The following AFF3 variants were observed in gnomAD, a reference collection of about 807,000 sequenced individuals.
AFF3 encodes AF4/FMR2 family member 3.
Under a neutral mutation model 129.7 loss-of-function variants are expected in AFF3, and 32 were observed. The ratio of observed to expected loss-of-function variants is 0.25; its 90% CI spans 0.19 to 0.33. AFF3 has a LOEUF of 0.33. Ranked by LOEUF, AFF3 falls within the 10% of genes least tolerant of loss-of-function variation. The pLI is 1.00. For synonymous variants in AFF3, 644 were observed against 635.4 expected, an observed-to-expected ratio of 1.01 and a Z score of -0.20; for missense variants, 1,373 against 1,592.0, an observed-to-expected ratio of 0.86 and a Z score of 2.34.
chr2:99,558,330 C>T (rs144243020), intron 22 of AFF3, among the ~76,000 whole-genome samples: 2 of 152,062 alleles, frequency 1.3e-5, no homozygotes, highest in African/African-American at 4.8e-5. Context: ...CATAAAAATA[C>T]CTGGACAAGG....
chr2:99,988,734 C>T (rs1680088454), intron 7 of AFF3, among the ~76,000 whole-genome samples: 1 of 152,116 alleles, frequency 6.6e-6, no homozygotes, highest in African/African-American at 2.4e-5. Context: ...TCCTGACATC[C>T]CTCGGCACTG....
chr2:99,976,902 C>T (rs1011066439), intron 7 of AFF3, among the ~76,000 whole-genome samples: 16 of 151,454 alleles, frequency 1.1e-4, no homozygotes, highest in African/African-American at 3.2e-4. Flanking sequence ...AATTATTCCA[C>T]CTGGGGAGAA....
At chr2:99,584,873 G>C (rs557931537) in intron 16 of AFF3, among the ~76,000 whole-genome samples, 1 of 152,172 alleles carries the variant, frequency 6.6e-6, no homozygotes, top group Non-Finnish European at 1.5e-5. Flanking sequence ...AAGTCACTTC[G>C]AAAAGCAATT....
intron 7 of AFF3, among the ~76,000 whole-genome samples, chr2:99,907,821 T>C (rs1214271538): frequency 6.6e-6 from 1 of 152,142 alleles, no homozygotes; most frequent in African/African-American, 2.4e-5. Context: ...ATAAAACAAA[T>C]ACTATGTTTA....
At chr2:100,130,658 ATGG>A (rs1692393558) in intron 1 of AFF3, among the ~76,000 whole-genome samples, 1 of 152,196 alleles carries the variant, frequency 6.6e-6, no homozygotes, top group Non-Finnish European at 1.5e-5. Context: ...GCTTCGGAGT[ATGG>A]AGTTTCCTGT....
intron 1 of AFF3, among the ~76,000 whole-genome samples, chr2:100,139,036 T>C (rs953257574): frequency 2.6e-5 from 4 of 151,552 alleles, no homozygotes; most frequent in Admixed American, 6.6e-5. Context: ...GGGGGTAGAA[T>C]GCCTTTCTGT....
chr2:99,587,841 C>T (rs1474439528), intron 15 of AFF3, among the ~76,000 whole-genome samples: 4 of 152,038 alleles, frequency 2.6e-5, no homozygotes, highest in African/African-American at 9.7e-5. Context: ...GAAACCCCAT[C>T]TCTACTAAAA....
chr2:100,035,065 A>G (rs1684796202), intron 4 of AFF3, among the ~76,000 whole-genome samples: 1 of 152,132 alleles, frequency 6.6e-6, no homozygotes, highest in South Asian at 2.1e-4. Flanking sequence ...ACCACATCAT[A>G]AACAATACAC....
intron 8 of AFF3, among the ~76,000 whole-genome samples, chr2:99,816,813 A>G (rs6723474): frequency 0.87 from 133,002 of 152,028 alleles, 58,268 homozygotes; most frequent in South Asian, 0.93. Flanking sequence ...GTTAGGTAGC[A>G]CACATTCCTG....
At chr2:99,909,107 A>C (rs1694933595) in intron 7 of AFF3, among the ~76,000 whole-genome samples, 2 of 152,110 alleles carry the variant, frequency 1.3e-5, no homozygotes, top group South Asian at 4.2e-4. Flanking sequence ...ACAATGATAG[A>C]CTGGATTAAG....
intron 12 of AFF3, among the ~76,000 whole-genome samples, chr2:99,663,342 A>G (rs955621121): frequency 2.6e-5 from 4 of 152,240 alleles, no homozygotes; most frequent in Admixed American, 6.5e-5. Context: ...GGAAACAGCA[A>G]TAAGAACTGC....
At chr2:100,069,437 C>T (rs1277473060) in intron 4 of AFF3, among the ~76,000 whole-genome samples, 2 of 152,126 alleles carry the variant, frequency 1.3e-5, no homozygotes, top group Non-Finnish European at 2.9e-5. Context: ...AAATAGGAAA[C>T]ATGATAGTTT....
chr2:99,784,110 C>T (rs779382259), intron 8 of AFF3, among the ~76,000 whole-genome samples: 1 of 152,244 alleles, frequency 6.6e-6, no homozygotes, highest in Non-Finnish European at 1.5e-5. Context: ...TTGCCAGTGG[C>T]TCTAGCATAA....
intron 12 of AFF3, among the ~76,000 whole-genome samples, chr2:99,662,358 T>C (rs1016622071): frequency 6.6e-6 from 1 of 152,168 alleles, no homozygotes; most frequent in African/African-American, 2.4e-5. Context: ...TATGAACAGA[T>C]TGGGTATTTA....
At chr2:100,055,956 G>C (rs1454705662) in intron 4 of AFF3, among the ~76,000 whole-genome samples, 1 of 151,780 alleles carries the variant, frequency 6.6e-6, no homozygotes, top group South Asian at 2.1e-4. Context: ...AGGACTGCTT[G>C]AGGCCAGGAG....
intron 13 of AFF3, among the ~76,000 whole-genome samples, chr2:99,619,715 T>C (rs1416030849): frequency 6.6e-6 from 1 of 152,162 alleles, no homozygotes; most frequent in Non-Finnish European, 1.5e-5. Flanking sequence ...GGCTTGTCTT[T>C]AGGTGGATTC....
At chr2:99,758,911 A>C (rs1303590968) in intron 8 of AFF3, among the ~76,000 whole-genome samples, 1 of 152,180 alleles carries the variant, frequency 6.6e-6, no homozygotes, top group Non-Finnish European at 1.5e-5. Flanking sequence ...CTAGTACTCA[A>C]GACCTTCTAC....
At chr2:99,816,583 G>A (rs1323436257) in intron 8 of AFF3, among the ~76,000 whole-genome samples, 3 of 152,234 alleles carry the variant, frequency 2.0e-5, no homozygotes, top group East Asian at 1.9e-4. Context: ...GGCTATGAGT[G>A]TCCCTCCTTG....
chr2:100,102,127 G>A lies in AFF3; in HGVS notation c.53+2275C>T, dbSNP rs543300234. Among the ~76,000 whole-genome samples, 89 of 152,184 alleles carry A rather than the reference G, an allele frequency of 5.8e-4. No homozygotes were observed. In the South Asian group the frequency reaches 7.5e-3, roughly 13 times the overall value. On this transcript the variant is annotated intron_variant, in intron 4 of 24. Transcript: ENST00000672756. ...TATGAAAATATTGGACACACAGAAA[G>A]TTCTCAAATATTAGTTATTTTGAAC...
Sources: allele counts gnomAD v4.1 joint callset (sites outside exome capture counted in the v4.1 genomes callset), GRCh38; gene constraint gnomAD v4.1.1; transcripts MANE v1.5; gene names NCBI Gene and HGNC (gene_info 2026-07-23, HGNC 2026-07-21).